The following CENPE variants were observed in gnomAD, a reference collection of about 807,000 sequenced individuals.
The protein encoded by CENPE is centromere-associated protein E.
In CENPE, 145 loss-of-function variants were observed where a neutral mutation model predicts 336.1. The observed-to-expected ratio is 0.43, with a 90% CI of 0.38 to 0.50. CENPE has a LOEUF of 0.50. CENPE is among the 20% of genes least tolerant of loss of function. CENPE has a pLI of 0.00. For missense variants in CENPE, 2,719 were observed against 3,023.3 expected (o/e 0.90, Z 2.36); for synonymous variants, 1,013 against 984.8 (o/e 1.03, Z -0.54).
At chr4:103,147,946 G>A (rs1193037469) in intron 28 of CENPE, among the ~76,000 whole-genome samples, 1 of 151,924 alleles carries the variant, frequency 6.6e-6, no homozygotes, top group Non-Finnish European at 1.5e-5. Context: ...TGCCTGCCTT[G>A]GCCTCCCAAA....
intron 13 of CENPE, among the ~76,000 whole-genome samples, chr4:103,179,768 A>T (rs1474516419): frequency 6.6e-6 from 1 of 152,220 alleles, no homozygotes; most frequent in Non-Finnish European, 1.5e-5. Flanking sequence ...ATTCAAATCC[A>T]GGAAGTCTAG....
chr4:103,107,595 C>T (rs1310393880), intron 48 of CENPE, among the ~76,000 whole-genome samples: 1 of 152,194 alleles, frequency 6.6e-6, no homozygotes, highest in Non-Finnish European at 1.5e-5. Flanking sequence ...ACAAGAAATG[C>T]CGTGTTACCG....
chr4:103,136,004 A>T, intron 40 of CENPE, 137 bp downstream of exon 40: 1 of 706,192 alleles, frequency 1.4e-6, no homozygotes, highest in Non-Finnish European at 2.4e-6. Context: ...ACATATTACT[A>T]TGCTCAGACC....
intron 35 of CENPE, 96 bp from the exon 36 acceptor site, chr4:103,141,200 C>T: frequency 1.4e-6 from 1 of 710,940 alleles, no homozygotes; most frequent in Non-Finnish European, 2.3e-6. Flanking sequence ...ACCCATGTTA[C>T]TCTCACTGAT....
chr4:103,183,643 A>T (rs546739123), intron 9 of CENPE, among the ~76,000 whole-genome samples: 1 of 152,134 alleles, frequency 6.6e-6, no homozygotes, highest in South Asian at 2.1e-4. Flanking sequence ...CTTACAACCA[A>T]ATTAGCCTCT....
chr4:103,154,286 G>GT (rs370491705), intron 24 of CENPE, among the ~76,000 whole-genome samples: 1,610 of 147,298 alleles, frequency 0.011, 30 homozygotes, highest in African/African-American at 0.036. Context: ...TCCATTAAAG[G>GT]TTTTTTTTTT....
At chr4:103,129,828 T>C (rs182604950) in intron 42 of CENPE, among the ~76,000 whole-genome samples, 1 of 152,186 alleles carries the variant, frequency 6.6e-6, no homozygotes, top group Non-Finnish European at 1.5e-5. Flanking sequence ...AAAATGATTA[T>C]ACATGACCAA....
chr4:103,116,573 G>A lies in CENPE; in HGVS notation c.7442+4C>T, dbSNP rs370229843. Reference sequence around the variant, plus strand: ...AATCACATTAAATTAAGACAAATACGTACTCCTTTTCAAATTCTTTGGCAT... The same window carrying A: ...AATCACATTAAATTAAGACAAATACATACTCCTTTTCAAATTCTTTGGCAT... On this transcript the variant is annotated splice_donor_region_variant and intron_variant, in intron 45 of 48. Transcript: ENST00000265148. The A allele has an allele frequency of 2.3e-5, 32 of 1,400,834 alleles. No homozygotes were observed. Among genetic ancestry groups the A allele is most frequent in the South Asian group, 6.5e-5 (5 of 77,074 alleles). 86.8% of individuals were successfully genotyped at this position (1,400,834 alleles called of 1,614,324 possible).
At position 103,149,422 on chromosome 4, in the gene CENPE, AT is replaced by A. The variant is rs1753358704; in HGVS notation, c.3397-15del. On this transcript the variant is annotated splice_polypyrimidine_tract_variant and intron_variant, in intron 26 of 48. Transcript: ENST00000265148. ...GAGTTGCTGGCTCTTAAAATGCACAATTTTTATAATTACCATTTTACTTATA... is the reference window on the plus strand; with the variant it reads ...GAGTTGCTGGCTCTTAAAATGCACAATTTTATAATTACCATTTTACTTATA... 1 of 1,537,392 alleles carries A rather than the reference AT, an allele frequency of 6.5e-7. No individual in the cohort carries two copies.
rs953457608 is a variant in CENPE at position 103,181,377 on chromosome 4, T to C, written c.1043A>G (p.Tyr348Cys). 4 of 1,557,860 alleles carry C rather than the reference T, an allele frequency of 2.6e-6. No individual in the cohort carries two copies. In the African/African-American group the frequency reaches 4.1e-5, roughly 16 times the overall value. Reference protein sequence around the residue: ...VSTDEALLKRYRKEIMDLKKQ... With the variant: ...VSTDEALLKRCRKEIMDLKKQ... ...TTTAAGATCCATTATTTCTTTTCTA[T>C]ACCTTTTCAGGAGAGCTTCATCAGT... is the stretch of plus-strand genomic sequence containing the variant. Residue 348 changes from tyrosine (Y) to cysteine (C), a missense_variant, in exon 12 of 49, where the codon TAT (tyrosine) becomes TGT (cysteine). Tyr to Cys is a radical substitution (Grantham distance 194). This residue lies in a region of CENPE where 117 missense variants were observed against 215.8 expected (regional missense o/e 0.54). Transcript: ENST00000265148.
Position 103,110,877 on chromosome 4 carries a change from A to C in CENPE, c.7675T>G (p.Leu2559Val), listed in dbSNP as rs1207005144. Reference sequence around the variant, plus strand: ...ATTAGCTGTTCATTTTGCTGCTTTAACTTAGAAATTTCTTTTTCTAGCCTT... The same window carrying C: ...ATTAGCTGTTCATTTTGCTGCTTTACCTTAGAAATTTCTTTTTCTAGCCTT... ...HIRLEKEISK[L>V]KQQNEQLIKQ... Residue 2559 changes from leucine (L) to valine (V), a missense_variant, in exon 47 of 49, where the codon TTA (leucine) becomes GTA (valine). Physicochemically the swap from Leu to Val is conservative, Grantham distance 32. Coordinates refer to ENST00000265148, the MANE Select transcript of CENPE (RefSeq NM_001813.3). 7.5e-6 allele frequency: 12 copies of C among 1,608,182 alleles called. No homozygotes were observed. In the Admixed American group the frequency reaches 2.0e-4, roughly 27 times the overall value.
At chr4:103,134,449 A>G (rs760542182) in intron 40 of CENPE, among the ~76,000 whole-genome samples, 3 of 152,044 alleles carry the variant, frequency 2.0e-5, no homozygotes, top group Admixed American at 6.6e-5. Context: ...CCTGGCTAAC[A>G]CAGTGAAACC....
chr4:103,170,221 C>T (rs867486460), intron 16 of CENPE, among the ~76,000 whole-genome samples: 1 of 152,028 alleles, frequency 6.6e-6, no homozygotes, highest in Non-Finnish European at 1.5e-5. Context: ...CAACATGGCA[C>T]ATGTATACCT....
intron 1 of CENPE, among the ~76,000 whole-genome samples, chr4:103,197,296 A>G (rs1757815952): frequency 6.6e-6 from 1 of 152,208 alleles, no homozygotes; most frequent in African/African-American, 2.4e-5. Flanking sequence ...TGTGCCTGGA[A>G]TACTCTGACT....
intron 10 of CENPE, 46 bp from the exon 11 acceptor site, chr4:103,182,937 A>G: frequency 6.3e-7 from 1 of 1,577,426 alleles, no homozygotes; most frequent in East Asian, 2.2e-5. Context: ...GAGAACGTTT[A>G]TATAATAAAG....
chr4:103,184,647 A>G (rs1488329402), intron 9 of CENPE, among the ~76,000 whole-genome samples: 1 of 152,050 alleles, frequency 6.6e-6, no homozygotes, highest in Non-Finnish European at 1.5e-5. Flanking sequence ...TTCTGTATGT[A>G]TTTGGGACTC....
At position 103,140,525 on chromosome 4, in the gene CENPE, A is replaced by T. The variant is rs1162337783; in HGVS notation, c.5755-111T>A. 10 of 838,896 alleles carry T rather than the reference A, an allele frequency of 1.2e-5. No homozygotes were observed. In the Admixed American group the frequency reaches 1.3e-4, roughly 11 times the overall value. The allele number at this position is 838,896 out of a possible 1,614,324, so 52.0% of individuals were successfully genotyped here. On this transcript the variant is annotated intron_variant, in intron 36 of 48. Coordinates refer to ENST00000265148, the MANE Select transcript of CENPE (RefSeq NM_001813.3). ...AAATTATACACTCACAGTTAAAAAC[A>T]ACCATTATACAACCTCCTAAATTAG...
intron 46 of CENPE, among the ~76,000 whole-genome samples, chr4:103,113,164 TTATAAGTATATAAGTGTATATA>T (rs1749711715): frequency 7.5e-6 from 1 of 134,072 alleles, no homozygotes; most frequent in African/African-American, 2.7e-5. Flanking sequence ...GTATATATAC[TTATAAGTATATAAGTGTATATA>T]TACTTATAAG....
intron 33 of CENPE, among the ~76,000 whole-genome samples, chr4:103,144,095 C>T (rs1352228892): frequency 2.0e-5 from 3 of 152,078 alleles, no homozygotes; most frequent in Non-Finnish European, 2.9e-5. Flanking sequence ...CACCACCACG[C>T]CTGCCTAATT....
Sources: gnomAD v4.1 joint callset for allele counts (sites outside exome capture counted in the v4.1 genomes callset) on GRCh38, gnomAD v4.1.1 for gene constraint, gnomAD v4.1.1 regional missense constraint, MANE v1.5 for transcripts, NCBI Gene and HGNC (gene_info 2026-07-23, HGNC 2026-07-21) for gene names.